Variants in FRMD6 observed in about 807,000 individuals in gnomAD.
FRMD6 encodes FERM domain-containing protein 6.
A neutral mutation model predicts 73.2 loss-of-function variants in FRMD6; 37 were observed. The observed-to-expected ratio is 0.51, with a 90% CI of 0.39 to 0.66. FRMD6 has a LOEUF of 0.66. FRMD6 is among the 30% of genes least tolerant of loss of function. The probability of loss-of-function intolerance (pLI) is 0.00; values close to 1 mark genes in which losing one functional copy is unlikely to be tolerated. For missense variants in FRMD6, 714 were observed against 780.5 expected (o/e 0.91, Z 1.02); for synonymous variants, 273 against 282.2 (o/e 0.97, Z 0.33).
intron 2 of FRMD6, among the ~76,000 whole-genome samples, chr14:51,693,429 T>C (rs143031683): frequency 9.8e-4 from 150 of 152,286 alleles, no homozygotes; most frequent in African/African-American, 3.5e-3. Context: ...ACGATTAAGG[T>C]GGGTTTTGGA....
At position 51,717,527 on chromosome 14, in the gene FRMD6, A is replaced by G. The variant is rs561240030; in HGVS notation, c.1024+2028A>G. ...GATTTATGATAGCAATTAGATTTCA[A>G]CCTGAGTTTAGGAGGGAACAGACAT... On this transcript the variant is annotated intron_variant, in intron 10 of 13. Transcript: ENST00000344768. 2.0e-5 allele frequency among the ~76,000 whole-genome samples: 3 copies of G among 152,330 alleles called. No homozygotes were observed. In the South Asian group the frequency reaches 6.2e-4, roughly 32 times the overall value.
Position 51,519,918 on chromosome 14 carries a change from G to A in FRMD6, c.-210+30498G>A, listed in dbSNP as rs190342224. ...TTTGATTTGGCACTGAATTTTAAGA[G>A]ACATTCACTCCACGCATTAGCAAAC... On this transcript the variant is annotated intron_variant, in intron 1 of 14. Coordinates refer to the FRMD6 transcript ENST00000356218. 3.3e-5 allele frequency among the ~76,000 whole-genome samples: 5 copies of A among 152,240 alleles called. No homozygotes were observed. The East Asian group carries it at 9.7e-4, about 29-fold the overall frequency.
rs1888664528 is a variant in FRMD6 at position 51,580,556 on chromosome 14, A to AG, written c.-147+10146_-147+10147insG. ...AGTGATGGAGCCAGAATTTGAACCC[A>AG]AGAACTGCAACATCAGAATCCTACC... On this transcript the variant is annotated intron_variant, in intron 2 of 14. Coordinates refer to the FRMD6 transcript ENST00000356218. Among the ~76,000 whole-genome samples the AG allele has an allele frequency of 2.6e-5, 4 of 152,192 alleles. No homozygotes were observed. The South Asian group carries it at 8.3e-4, about 31-fold the overall frequency.
At chr14:51,465,940 A>G in the FRMD6 span, among the ~76,000 whole-genome samples, 1 of 152,202 alleles carries the variant, frequency 6.6e-6, no homozygotes. Flanking sequence ...GAGAGTTCCA[A>G]TTGCTCCATA....
At chr14:51,592,663 C>T (rs1232058290) in intron 2 of FRMD6, among the ~76,000 whole-genome samples, 1 of 152,122 alleles carries the variant, frequency 6.6e-6, no homozygotes, top group Non-Finnish European at 1.5e-5. Context: ...AATCTAGAGG[C>T]TCCTAAATCA....
chr14:51,575,244 A>G (rs1237641308), intron 2 of FRMD6, among the ~76,000 whole-genome samples: 1 of 152,262 alleles, frequency 6.6e-6, no homozygotes, highest in East Asian at 1.9e-4. Flanking sequence ...TTTAACTTTA[A>G]GATCCAGAGG....
At chr14:51,399,531 C>T in the FRMD6 span, among the ~76,000 whole-genome samples, 1 of 152,054 alleles carries the variant, frequency 6.6e-6, no homozygotes, top group African/African-American at 2.4e-5. Context: ...CAAAATATAA[C>T]TTTATTACTT....
At chr14:51,669,132 T>G (rs1390953725) in intron 1 of FRMD6, among the ~76,000 whole-genome samples, 1 of 152,170 alleles carries the variant, frequency 6.6e-6, no homozygotes, top group Non-Finnish European at 1.5e-5. Context: ...TACAGCTCCT[T>G]TTTAGTCAGT....
chr14:51,588,508 C>T (rs1889185741), intron 2 of FRMD6, among the ~76,000 whole-genome samples: 3 of 152,104 alleles, frequency 2.0e-5, no homozygotes, highest in Admixed American at 6.5e-5. Flanking sequence ...ATACAAGGAG[C>T]AGAAATACCC....
chr14:51,642,627 C>G (rs910293959), intron 2 of FRMD6, among the ~76,000 whole-genome samples: 2 of 152,150 alleles, frequency 1.3e-5, no homozygotes, highest in African/African-American at 4.8e-5. Flanking sequence ...AATTATTTGT[C>G]CCTCTGTCAA....
chr14:51,429,320 G>C, the FRMD6 span, among the ~76,000 whole-genome samples: 1 of 152,128 alleles, frequency 6.6e-6, no homozygotes, highest in Non-Finnish European at 1.5e-5. Flanking sequence ...ACTAAATTTT[G>C]TTGTGGTTTG....
chr14:51,558,710 C>T (rs947804615), intron 1 of FRMD6, among the ~76,000 whole-genome samples: 4 of 152,040 alleles, frequency 2.6e-5, no homozygotes, highest in African/African-American at 9.7e-5. Context: ...ATATCAGTTA[C>T]TATATAACAT....
intron 2 of FRMD6, among the ~76,000 whole-genome samples, chr14:51,581,245 C>A (rs919460403): frequency 1.3e-5 from 2 of 152,170 alleles, no homozygotes; most frequent in Non-Finnish European, 2.9e-5. Context: ...GTCTCTCCCC[C>A]ATCTTTCTTT....
chr14:51,651,511 A>G (rs1475676063), upstream of FRMD6: 1 of 152,104 alleles, frequency 6.6e-6, no homozygotes, highest in Non-Finnish European at 1.5e-5. Flanking sequence ...ACTCGGCCAG[A>G]AGGTGGGGAG....
At chr14:51,624,185 T>C (rs902047259) in intron 2 of FRMD6, among the ~76,000 whole-genome samples, 1 of 152,058 alleles carries the variant, frequency 6.6e-6, no homozygotes, top group Admixed American at 6.5e-5. Flanking sequence ...TCAGTAAAAA[T>C]AATTAATGGA....
At position 51,706,929 on chromosome 14, in the gene FRMD6, T is replaced by C. The variant is rs1896657337; in HGVS notation, c.559-1149T>C. The stretch of plus-strand genomic sequence containing the variant: ...AGAAATCACAATGTCTGTCAAACTA[T>C]TGCTGTCTGTAGCATGTTTGCATTC... On this transcript the variant is annotated intron_variant, in intron 6 of 13. Coordinates refer to ENST00000344768, the MANE Select transcript of FRMD6 (RefSeq NM_001267046.2). Among the ~76,000 whole-genome samples the C allele has an allele frequency of 5.3e-5, 8 of 152,264 alleles. No homozygotes were observed. The South Asian group carries it at 1.7e-3, about 32-fold the overall frequency.
intron 1 of FRMD6, among the ~76,000 whole-genome samples, chr14:51,655,103 AAC>A (rs1892725880): frequency 6.6e-6 from 1 of 151,986 alleles, no homozygotes; most frequent in African/African-American, 2.4e-5. Context: ...ATCCTACTGT[AAC>A]ACAGTTTGTG....
At chr14:51,519,038 A>G (rs868368390) in intron 1 of FRMD6, among the ~76,000 whole-genome samples, 33 of 152,194 alleles carry the variant, frequency 2.2e-4, no homozygotes, top group African/African-American at 7.7e-4. Context: ...TGTCCTCAAG[A>G]TGCTCACTGT....
At chr14:51,608,787 C>T (rs1359932180) in intron 2 of FRMD6, among the ~76,000 whole-genome samples, 5 of 152,118 alleles carry the variant, frequency 3.3e-5, no homozygotes, top group East Asian at 1.9e-4. Flanking sequence ...TACACATGTA[C>T]GTTAGTGCAC....
Sources: allele counts gnomAD v4.1 joint callset (sites outside exome capture counted in the v4.1 genomes callset), GRCh38; gene constraint gnomAD v4.1.1; transcripts MANE v1.5; gene names NCBI Gene and HGNC (gene_info 2026-07-23, HGNC 2026-07-21).